CCNE2: variants seen among roughly 807,000 people sequenced by gnomAD.
The protein encoded by CCNE2 is cyclin E2.
A neutral mutation model predicts 56.8 loss-of-function variants in CCNE2; 18 were observed. The ratio of observed to expected loss-of-function variants is 0.32; its 90% confidence interval spans 0.22 to 0.47. The LOEUF (loss-of-function observed/expected upper bound fraction) is 0.47, where lower values mean the gene tolerates loss of function less well. Ranked by LOEUF, CCNE2 falls within the 20% of genes least tolerant of loss-of-function variation. CCNE2 has a pLI of 1.00. For missense variants in CCNE2, 371 were observed against 467.1 expected (o/e 0.79, Z 1.90); for synonymous variants, 139 against 149.2 (o/e 0.93, Z 0.50).
chr8:94,882,439 A>G (rs1816858677), intron 10 of CCNE2, 150 bp from the exon 11 acceptor site: 5 of 641,962 alleles, frequency 7.8e-6, no homozygotes, highest in Non-Finnish European at 1.3e-5. Context: ...ACAGATTATC[A>G]CTCTCAAACT....
At chr8:94,886,190 G>C (rs1817032464) in intron 7 of CCNE2, among the ~76,000 whole-genome samples, 1 of 152,044 alleles carries the variant, frequency 6.6e-6, no homozygotes, top group Non-Finnish European at 1.5e-5. Flanking sequence ...TCAGATTTAA[G>C]GACAGCTTCA....
intron 9 of CCNE2, 27 bp downstream of exon 9, chr8:94,885,040 C>A: frequency 6.2e-7 from 1 of 1,600,732 alleles, no homozygotes; most frequent in Non-Finnish European, 8.5e-7. Flanking sequence ...AATAACATTA[C>A]CATTGAATCA....
intron 4 of CCNE2, among the ~76,000 whole-genome samples, chr8:94,893,319 T>C (rs1817315539): frequency 1.4e-4 from 10 of 70,572 alleles, no homozygotes; most frequent in Admixed American, 1.1e-3. Flanking sequence ...GCAGGGACCT[T>C]TTTTTTTTTT....
chr8:94,895,460 C>T (rs965741217), upstream of CCNE2, among the ~76,000 whole-genome samples: 1 of 152,198 alleles, frequency 6.6e-6, no homozygotes, highest in Non-Finnish European at 1.5e-5. Context: ...GGCTCCTTCT[C>T]CGCGGCTGTT....
rs1267532963 is a variant in CCNE2 at position 94,880,243 on chromosome 8, AT to A, written c.*1388del. The A allele has an allele frequency of 8.6e-6, 13 of 1,504,390 alleles. No homozygotes were observed. Among genetic ancestry groups the A allele is most frequent in the Non-Finnish European group, 1.2e-5 (13 of 1,096,534 alleles). 93.2% of individuals were successfully genotyped at this position (1,504,390 alleles called of 1,614,324 possible). The stretch of plus-strand genomic sequence containing the variant: ...CAAAACTTTACTTTTAAGCAGTTAA[AT>A]TTTTTTAACTTTTATTTTTTAAACA... On this transcript the variant is annotated 3_prime_UTR_variant, in exon 12 of 12. Transcript: ENST00000308108.
upstream of CCNE2, chr8:94,896,642 G>A (rs943976351): frequency 3.4e-4 from 52 of 152,116 alleles, 1 homozygote; most frequent in African/African-American, 1.2e-3. Flanking sequence ...CGAGCCGGAC[G>A]GCGAGCGGGC....
chr8:94,883,419 TTAAAAGA>T (rs764818750), intron 9 of CCNE2, among the ~76,000 whole-genome samples: 2 of 152,206 alleles, frequency 1.3e-5, no homozygotes, highest in African/African-American at 2.4e-5. Context: ...TAAATGGGTC[TTAAAAGA>T]TAAGGGAGCC....
rs1443370014 is a variant in CCNE2, at chr8:94,890,443, C to T, written c.425G>A (p.Arg142Lys). ...TAAAAGCCAGTCTAGAAGTATGGAC[C>T]TCATCTGTGGTTCCAAGTCAGAATG... Reference protein sequence around the residue: ...VLHSDLEPQMRSILLDWLLEV... With the variant: ...VLHSDLEPQMKSILLDWLLEV... The change falls in exon 6 of 12, where the codon AGG (arginine) becomes AAG (lysine). Residue 142 changes from arginine to lysine, a missense_variant. Transcript: ENST00000308108. The T allele has an allele frequency of 1.9e-6, 3 of 1,607,616 alleles. No homozygotes were observed. Among genetic ancestry groups the T allele is most frequent in the Admixed American group, 1.7e-5 (1 of 59,176 alleles).
At chr8:94,893,807 G>A (rs1188695011) in intron 4 of CCNE2, 84 bp downstream of exon 4, 1 of 1,351,982 alleles carries the variant, frequency 7.4e-7, no homozygotes, top group Non-Finnish European at 1.0e-6. Flanking sequence ...GGAATCTATC[G>A]CAAAGCAATA....
intron 10 of CCNE2, 67 bp from the exon 11 acceptor site, chr8:94,882,356 T>C (rs887805125): frequency 1.6e-6 from 2 of 1,246,554 alleles, no homozygotes; most frequent in Non-Finnish European, 2.2e-6. Flanking sequence ...TACATATGTC[T>C]GATGTACTTG....
chr8:94,887,465 A>G (rs1158586380), intron 7 of CCNE2, among the ~76,000 whole-genome samples: 1 of 152,080 alleles, frequency 6.6e-6, no homozygotes, highest in East Asian at 1.9e-4. Context: ...AGATCGCGCC[A>G]TTGCACTCCA....
At position 94,882,119 on chromosome 8, in the gene CCNE2, C is replaced by CA. The variant is rs757361691; in HGVS notation, c.1101+12dup. On this transcript the variant is annotated intron_variant, in intron 11 of 11. Transcript: ENST00000308108. ...TCAGATAGCAAAGCCAAAAAACTCA[C>CA]AAAAAAACATACCAGCATAGCCAAA... 2.5e-6 allele frequency: 4 copies of CA among 1,591,720 alleles called. No individual in the cohort carries two copies. Among genetic ancestry groups the CA allele is most frequent in the Admixed American group, 1.8e-5 (1 of 56,220 alleles).
In CCNE2 at chr8:94,880,686, C is replaced by T. The variant is rs1185967694; in HGVS notation, c.*946G>A. Reference sequence around the variant, plus strand: ...TTAAGCTTTATCACTTTGACACTGTCCTTATCTCACAATGGAGGAATTTAG... The same window carrying T: ...TTAAGCTTTATCACTTTGACACTGTTCTTATCTCACAATGGAGGAATTTAG... On this transcript the variant is annotated 3_prime_UTR_variant, in exon 12 of 12. Transcript: ENST00000308108. 2 of 394,204 alleles carry T rather than the reference C, an allele frequency of 5.1e-6. No individual in the cohort carries two copies. The highest frequency in any genetic ancestry group is 8.9e-6 in the Non-Finnish European group (2 of 223,952). The allele number at this position is 394,204 out of a possible 1,614,324, so 24.4% of individuals were successfully genotyped here.
chr8:94,881,579 A>G lies in CCNE2; in HGVS notation c.*53T>C. 1 of 1,583,550 alleles carries G rather than the reference A, an allele frequency of 6.3e-7. No individual in the cohort carries two copies. The highest frequency in any genetic ancestry group is 8.6e-7 in the Non-Finnish European group (1 of 1,159,446). ...TGTAAAACTTTAGTAGTTCAGTGAT[A>G]CCAGTTCTACCCAATCTTGGTGAAT... On this transcript the variant is annotated 3_prime_UTR_variant, in exon 12 of 12. Coordinates refer to ENST00000308108, the MANE Select transcript of CCNE2 (RefSeq NM_057749.3).
chr8:94,885,934 G>T (rs1328040747), intron 7 of CCNE2, among the ~76,000 whole-genome samples: 2 of 151,922 alleles, frequency 1.3e-5, no homozygotes, highest in Non-Finnish European at 2.9e-5. Flanking sequence ...GGCCAGATTG[G>T]TCTCAAACTC....
At chr8:94,882,034 C>G (rs1367334289) in intron 11 of CCNE2, 98 bp downstream of exon 11, 11 of 1,205,298 alleles carry the variant, frequency 9.1e-6, no homozygotes, top group South Asian at 1.6e-5. Flanking sequence ...ACTTTCTTTC[C>G]CCTGAAACTG....
At chr8:94,885,938 C>CA (rs1384936636) in intron 7 of CCNE2, among the ~76,000 whole-genome samples, 1 of 151,992 alleles carries the variant, frequency 6.6e-6, no homozygotes, top group Non-Finnish European at 1.5e-5. Context: ...AGATTGGTCT[C>CA]AAACTCCTGA....
At chr8:94,885,034 A>G (rs773794148) in intron 9 of CCNE2, 33 bp downstream of exon 9, 1 of 1,591,574 alleles carries the variant, frequency 6.3e-7, no homozygotes, top group African/African-American at 1.3e-5. Flanking sequence ...GTAATTAATA[A>G]CATTACCATT....
Position 94,881,020 on chromosome 8 carries a change from T to C in CCNE2, c.*612A>G. The C allele has an allele frequency of 2.5e-6, 1 of 398,688 alleles. No individual in the cohort carries two copies. Among genetic ancestry groups the C allele is most frequent in the Non-Finnish European group, 4.4e-6 (1 of 225,834 alleles). 24.7% of individuals were successfully genotyped at this position (398,688 alleles called of 1,614,324 possible). ...TCTAAGCCTTATTAGTTAAAAAATG[T>C]GTTATGGCAAGGCAAATAAACTAGT... is the stretch of plus-strand genomic sequence containing the variant. On this transcript the variant is annotated 3_prime_UTR_variant, in exon 12 of 12. Transcript: ENST00000308108.
Sources: gnomAD v4.1 joint callset for allele counts (sites outside exome capture counted in the v4.1 genomes callset) on GRCh38, gnomAD v4.1.1 for gene constraint, MANE v1.5 for transcripts, NCBI Gene and HGNC (gene_info 2026-07-23, HGNC 2026-07-21) for gene names.